Variants in LRMDA observed in about 807,000 individuals in gnomAD.
LRMDA encodes the protein leucine rich melanocyte differentiation associated.
LRMDA carries 18 observed loss-of-function variants against 29.8 expected under a neutral mutation model. The ratio of observed to expected loss-of-function variants is 0.60; its 90% confidence interval spans 0.42 to 0.90. The LOEUF (loss-of-function observed/expected upper bound fraction) is 0.90. Among genes scored for constraint, LRMDA ranks in the 40% least tolerant of loss-of-function variants. The probability of loss-of-function intolerance (pLI) is 0.00; values close to 1 mark genes in which losing one functional copy is unlikely to be tolerated. For synonymous variants in LRMDA, 125 were observed against 109.4 expected (o/e 1.14, Z -0.89); for missense variants, 273 against 273.9 (o/e 1.00, Z 0.02).
At chr10:76,100,887 A>G (rs893614361) in intron 5 of LRMDA, among the ~76,000 whole-genome samples, 1 of 151,736 alleles carries the variant, frequency 6.6e-6, no homozygotes, top group Non-Finnish European at 1.5e-5. Flanking sequence ...GGTCCTTGGA[A>G]AAGAGTGGCT....
chr10:75,872,239 C>T (rs973023503), intron 2 of LRMDA, among the ~76,000 whole-genome samples: 4 of 152,050 alleles, frequency 2.6e-5, no homozygotes, highest in Non-Finnish European at 5.9e-5. Flanking sequence ...ACTGAGAGAA[C>T]ATCTCATTAT....
At chr10:76,057,227 G>A (rs545846561) in intron 4 of LRMDA, among the ~76,000 whole-genome samples, 2 of 152,198 alleles carry the variant, frequency 1.3e-5, no homozygotes, top group African/African-American at 4.8e-5. Flanking sequence ...GCATAACCTC[G>A]ATTTTGGCAC....
At chr10:75,985,891 A>C (rs1003167687) in intron 2 of LRMDA, among the ~76,000 whole-genome samples, 5 of 152,238 alleles carry the variant, frequency 3.3e-5, no homozygotes, top group Non-Finnish European at 5.9e-5. Context: ...GAAGATGGAG[A>C]AACAAGGAAA....
chr10:75,500,018 A>G (rs756664242), intron 2 of LRMDA, among the ~76,000 whole-genome samples: 1 of 152,200 alleles, frequency 6.6e-6, no homozygotes, highest in Non-Finnish European at 1.5e-5. Context: ...GAGGGGTTTA[A>G]ATCAGTGTTT....
intron 5 of LRMDA, among the ~76,000 whole-genome samples, chr10:76,137,772 C>CAAA (rs36038656): frequency 2.9e-4 from 35 of 122,130 alleles, no homozygotes; most frequent in African/African-American, 1.1e-3. Flanking sequence ...GTCCCTATGG[C>CAAA]AAAAAAAAAA....
chr10:76,421,987 A>G (rs974126933), intron 6 of LRMDA, among the ~76,000 whole-genome samples: 2 of 152,192 alleles, frequency 1.3e-5, no homozygotes, highest in African/African-American at 4.8e-5. Flanking sequence ...TAGTCCAGTT[A>G]GGGATTTATT....
intron 2 of LRMDA, among the ~76,000 whole-genome samples, chr10:75,683,115 T>C (rs1294738601): frequency 6.6e-6 from 1 of 152,218 alleles, no homozygotes; most frequent in Non-Finnish European, 1.5e-5. Flanking sequence ...CCCAAACAAA[T>C]TATATAGCTT....
intron 6 of LRMDA, among the ~76,000 whole-genome samples, chr10:76,332,815 G>A (rs1413910687): frequency 6.6e-6 from 1 of 152,174 alleles, no homozygotes; most frequent in Admixed American, 6.5e-5. Flanking sequence ...TACCTATTGT[G>A]TACTGAGTGT....
intron 5 of LRMDA, among the ~76,000 whole-genome samples, chr10:76,138,614 A>C (rs1328611491): frequency 6.6e-6 from 1 of 152,166 alleles, no homozygotes; most frequent in Non-Finnish European, 1.5e-5. Context: ...TTGTAGATAG[A>C]ACAGTTTTCC....
At chr10:76,240,376 G>T (rs893785202) in intron 5 of LRMDA, among the ~76,000 whole-genome samples, 1 of 147,030 alleles carries the variant, frequency 6.8e-6, no homozygotes, top group Non-Finnish European at 1.5e-5. Context: ...CCTTACTCCC[G>T]CAAGAAGGGC....
At chr10:76,285,792 G>A (rs556682022) in intron 5 of LRMDA, among the ~76,000 whole-genome samples, 59 of 152,182 alleles carry the variant, frequency 3.9e-4, no homozygotes, top group Non-Finnish European at 8.2e-4. Flanking sequence ...TCCCTCTAGA[G>A]TACTAGTGTA....
At position 76,426,980 on chromosome 10, in the gene LRMDA, A is replaced by T. The variant is rs201958875; in HGVS notation, c.601+102495A>T. On this transcript the variant is annotated intron_variant, in intron 6 of 6. Coordinates refer to ENST00000611255, the MANE Select transcript of LRMDA (RefSeq NM_001305581.2). The stretch of plus-strand genomic sequence containing the variant: ...TGGTCTGTGTCTCTGTTTTGGTACC[A>T]GTACCATGCTGTTTTGGTTACTGTA... 4.9e-4 allele frequency among the ~76,000 whole-genome samples: 74 copies of T among 152,270 alleles called. 1 individual carries two copies. In the East Asian group the frequency reaches 0.014, roughly 28 times the overall value.
At chr10:76,163,597 T>C (rs1446811183) in intron 5 of LRMDA, among the ~76,000 whole-genome samples, 1 of 152,202 alleles carries the variant, frequency 6.6e-6, no homozygotes, top group Non-Finnish European at 1.5e-5. Context: ...AATTCATACT[T>C]GGCTTAGCTA....
intron 5 of LRMDA, among the ~76,000 whole-genome samples, chr10:76,225,897 C>A (rs1238305415): frequency 7.8e-6 from 1 of 128,522 alleles, no homozygotes; most frequent in Admixed American, 8.2e-5. Flanking sequence ...CCACAACAGC[C>A]CCCGGTGTGT....
intron 2 of LRMDA, among the ~76,000 whole-genome samples, chr10:75,908,270 C>T (rs866708556): frequency 6.6e-6 from 1 of 152,148 alleles, no homozygotes; most frequent in African/African-American, 2.4e-5. Context: ...GAGCCAGGGC[C>T]CTGGGCTTCT....
At chr10:76,378,858 C>CTTTTT (rs144037195) in intron 6 of LRMDA, among the ~76,000 whole-genome samples, 6 of 118,966 alleles carry the variant, frequency 5.0e-5, no homozygotes, top group Admixed American at 9.9e-5. Context: ...CTTTTTTTTT[C>CTTTTT]TTTTTTTTTT....
intron 5 of LRMDA, among the ~76,000 whole-genome samples, chr10:76,137,156 C>A (rs891948949): frequency 1.3e-5 from 2 of 152,190 alleles, no homozygotes; most frequent in African/African-American, 4.8e-5. Flanking sequence ...AATTCCCAAG[C>A]CTTCTGCCAA....
chr10:75,620,883 T>G (rs1030121820), intron 2 of LRMDA, among the ~76,000 whole-genome samples: 1 of 152,194 alleles, frequency 6.6e-6, no homozygotes, highest in East Asian at 1.9e-4. Context: ...AGGTGGTGTT[T>G]TGTTACATGA....
chr10:75,858,195 G>A (rs1844859972), intron 2 of LRMDA, among the ~76,000 whole-genome samples: 1 of 152,166 alleles, frequency 6.6e-6, no homozygotes, highest in Non-Finnish European at 1.5e-5. Flanking sequence ...TGTCTACTCA[G>A]TAGAAGCAGG....
Sources: allele counts gnomAD v4.1 joint callset (sites outside exome capture counted in the v4.1 genomes callset), GRCh38; gene constraint gnomAD v4.1.1; transcripts MANE v1.5; gene names NCBI Gene and HGNC (gene_info 2026-07-23, HGNC 2026-07-21).